ADGRG1: variants seen among roughly 807,000 people sequenced by gnomAD.
ADGRG1 encodes the protein adhesion G protein-coupled receptor G1, also known as 7-transmembrane protein with no EGF-like N-terminal domains-1.
ADGRG1 carries 53 observed loss-of-function variants against 73.5 expected under a neutral mutation model. The observed-to-expected ratio is 0.72, with a 90% confidence interval of 0.58 to 0.91. The LOEUF is 0.91. ADGRG1 is among the 40% of genes least tolerant of loss of function. The pLI is 0.00. For synonymous variants in ADGRG1, 394 were observed against 374.4 expected, an observed-to-expected ratio of 1.05 and a Z score of -0.60; for missense variants, 795 against 871.8, an observed-to-expected ratio of 0.91 and a Z score of 1.11.
chr16:57,644,157 C>T (rs2041604631), intron 1 of ADGRG1: 1 of 985,238 alleles, frequency 1.0e-6, no homozygotes, highest in African/African-American at 1.7e-5. Flanking sequence ...CTCTGAGGAG[C>T]TCCCCGCCTT....
intron 2 of ADGRG1, chr16:57,621,940 T>C (rs1419696921): frequency 2.3e-6 from 2 of 875,014 alleles, no homozygotes; most frequent in Non-Finnish European, 2.7e-6. Context: ...TCTGCTGCCC[T>C]CTCCACTGGG....
At chr16:57,662,342 AG>A (rs2047356480) in intron 13 of ADGRG1, among the ~76,000 whole-genome samples, 1 of 152,082 alleles carries the variant, frequency 6.6e-6, no homozygotes, top group Non-Finnish European at 1.5e-5. Context: ...CACCCTAAGA[AG>A]GGTGGCCAGG....
chr16:57,628,162 T>A, upstream of ADGRG1: 1 of 985,318 alleles, frequency 1.0e-6, no homozygotes, highest in Non-Finnish European at 1.2e-6. Context: ...TGCCTTCCGC[T>A]CTGCCGGTCA....
intron 1 of ADGRG1, chr16:57,634,244 T>G: frequency 1.0e-6 from 1 of 985,422 alleles, no homozygotes. Context: ...GCTGGCACCC[T>G]GGGTCTCGGA....
At chr16:57,643,690 A>T (rs143204085) in intron 1 of ADGRG1, 2 of 984,966 alleles carry the variant, frequency 2.0e-6, no homozygotes, top group African/African-American at 3.5e-5. Flanking sequence ...CCTTTATTGT[A>T]GGAAAATTCC....
chr16:57,631,638 C>T, intron 1 of ADGRG1: 1 of 985,554 alleles, frequency 1.0e-6, no homozygotes, highest in Non-Finnish European at 1.2e-6. Flanking sequence ...TGTGAGCAAA[C>T]CCAGCAGTCA....
At chr16:57,629,532 A>G (rs1231411456) in intron 1 of ADGRG1, 8 of 152,220 alleles carry the variant, frequency 5.3e-5, no homozygotes, top group African/African-American at 1.9e-4. Context: ...GGAACTCCTG[A>G]GGACAGCTTT....
Position 57,661,719 on chromosome 16 carries a change from GTCAGCTAC to G in ADGRG1, c.1688_1695del (p.Val563AspfsTer182). 6.2e-7 allele frequency: 1 copy of G among 1,613,988 alleles called. No homozygotes were observed. Among genetic ancestry groups the G allele is most frequent in the Non-Finnish European group, 8.5e-7 (1 of 1,179,938 alleles). On this transcript the variant is annotated frameshift_variant, in exon 13 of 14. Coordinates refer to ENST00000562631, the MANE Select transcript of ADGRG1 (RefSeq NM_201525.4). LOFTEE classifies it high-confidence loss of function. ...CAGGTGCTGGATCCGGGACTCCCTG[GTCAGCTAC>G]ATCACCAACCTGGGCCTCTTCAGCC...
chr16:57,631,488 G>A (rs1190624658), intron 1 of ADGRG1: 2 of 985,574 alleles, frequency 2.0e-6, no homozygotes, highest in Non-Finnish European at 2.4e-6. Context: ...GGAGGAGAGG[G>A]GAGTGTGACA....
At chr16:57,629,258 G>A (rs1456212003) in intron 1 of ADGRG1, 4 of 773,718 alleles carry the variant, frequency 5.2e-6, no homozygotes, top group Non-Finnish European at 6.3e-6. Flanking sequence ...ACAAGGAGAT[G>A]CCTGGGAGGG....
At chr16:57,641,364 A>G in intron 1 of ADGRG1, 1 of 984,590 alleles carries the variant, frequency 1.0e-6, no homozygotes. Context: ...GGAGATGGCC[A>G]GGTGGAGACT....
chr16:57,660,752 G>A lies in ADGRG1; in HGVS notation c.1556-16G>A, dbSNP rs765758261. On this transcript the variant is annotated splice_polypyrimidine_tract_variant and intron_variant, in intron 11 of 13. Transcript: ENST00000562631. Reference sequence around the variant, plus strand: ...CAGAGAGCGGGAAGTAGAGCAACATGCATTGCCACCCTCAGGCTTCCCCAT... The same window carrying A: ...CAGAGAGCGGGAAGTAGAGCAACATACATTGCCACCCTCAGGCTTCCCCAT... The A allele has an allele frequency of 1.6e-5, 25 of 1,561,892 alleles. No homozygotes were observed. In the South Asian group the frequency reaches 2.8e-4, roughly 18 times the overall value.
upstream of ADGRG1, among the ~76,000 whole-genome samples, chr16:57,623,481 C>G (rs1454126486): frequency 6.6e-6 from 1 of 152,244 alleles, no homozygotes; most frequent in Non-Finnish European, 1.5e-5. Context: ...GCTCGCCCCT[C>G]CTGTGTGCCC....
rs541605737 is a variant in ADGRG1, at chr16:57,650,520, C to G, written c.64+169C>G. Reference sequence around the variant, plus strand: ...CACTCCTTCCTTCTGGCAGGTGCAGCCCTGCAGTGCACAGCTTAGGGTATG... The same window carrying G: ...CACTCCTTCCTTCTGGCAGGTGCAGGCCTGCAGTGCACAGCTTAGGGTATG... On this transcript the variant is annotated intron_variant, in intron 2 of 13. Coordinates refer to ENST00000562631, the MANE Select transcript of ADGRG1 (RefSeq NM_201525.4). 1.3e-4 allele frequency: 83 copies of G among 621,046 alleles called. No homozygotes were observed. In the African/African-American group the frequency reaches 1.6e-3, roughly 12 times the overall value. 38.5% of individuals were successfully genotyped at this position (621,046 alleles called of 1,614,324 possible).
chr16:57,635,904 GCA>G, intron 1 of ADGRG1: 1 of 985,356 alleles, frequency 1.0e-6, no homozygotes, highest in Non-Finnish European at 1.2e-6. Flanking sequence ...GGCCCTGGAA[GCA>G]TGGGAGGCCA....
At chr16:57,650,648 T>G (rs1246976781) in intron 2 of ADGRG1, 1 of 152,462 alleles carries the variant, frequency 6.6e-6, no homozygotes, top group African/African-American at 2.4e-5. Flanking sequence ...CCTCATTAAA[T>G]ACTTCATTGC....
rs2044878314 is a variant in ADGRG1, at chr16:57,654,190, G to A, written c.768+57G>A. The stretch of plus-strand genomic sequence containing the variant: ...CGGGTTGGGCCGGGGCCAGATGGAG[G>A]TGGGGGCTGTGAGCACTCCCTGAAG... On this transcript the variant is annotated intron_variant, in intron 5 of 13. Coordinates refer to ENST00000562631, the MANE Select transcript of ADGRG1 (RefSeq NM_201525.4). 3.2e-6 allele frequency: 5 copies of A among 1,553,572 alleles called. No homozygotes were observed. In the African/African-American group the frequency reaches 4.0e-5, roughly 13 times the overall value.
chr16:57,660,674 G>A (rs1380809441), intron 11 of ADGRG1, 94 bp from the exon 12 acceptor site: 2 of 1,518,344 alleles, frequency 1.3e-6, no homozygotes, highest in African/African-American at 2.8e-5. Flanking sequence ...CCAAACTTCA[G>A]AGGGGCCCTT....
At chr16:57,626,895 C>G, upstream of ADGRG1, 1 of 984,816 alleles carries the variant, frequency 1.0e-6, no homozygotes, top group Non-Finnish European at 1.2e-6. Context: ...ACTTGTCCTC[C>G]CTTGTTAGTG....
Sources: allele counts gnomAD v4.1 joint callset (sites outside exome capture counted in the v4.1 genomes callset), GRCh38; gene constraint gnomAD v4.1.1; transcripts MANE v1.5; gene names NCBI Gene and HGNC (gene_info 2026-07-23, HGNC 2026-07-21).